Variants in SLC6A19 observed in about 807,000 individuals in gnomAD.
SLC6A19 encodes the protein solute carrier family 6 member 19.
Under a neutral mutation model 68.3 loss-of-function variants are expected in SLC6A19, and 67 were observed. The observed-to-expected ratio is 0.98, with a 90% CI of 0.81 to 1.20. SLC6A19 has a LOEUF of 1.20. Among genes scored for constraint, SLC6A19 ranks in the 50% most tolerant of loss-of-function variants. The pLI, the probability that SLC6A19 is intolerant of heterozygous loss-of-function variation, is 0.00. For synonymous variants in SLC6A19, 392 were observed against 374.9 expected, an observed-to-expected ratio of 1.05 and a Z score of -0.53; for missense variants, 813 against 851.6, an observed-to-expected ratio of 0.95 and a Z score of 0.56.
intron 1 of SLC6A19, among the ~76,000 whole-genome samples, chr5:1,207,472 T>G (rs1350171493): frequency 6.6e-6 from 1 of 152,256 alleles, no homozygotes; most frequent in African/African-American, 2.4e-5. Context: ...AGCTGACCTA[T>G]GCTTTTCAGC....
chr5:1,212,340 C>A lies in SLC6A19; in HGVS notation c.519C>A (p.Asp173Glu). ...AGTGCGCCAGGAGCTCCCCTGTGGA[C>A]TACTTCTGGTACCGAGAGACGCTCA... ...VDECARSSPVDYFWYRETLNI... is the reference protein window; with the variant it reads ...VDECARSSPVEYFWYRETLNI... Residue 173 changes from aspartate (D) to glutamate (E), a missense_variant, in exon 4 of 12, where the codon GAC becomes GAA. Asp to Glu is a conservative substitution (Grantham distance 45). Transcript: ENST00000304460. The surrounding 1 kb of genome is among the most constrained non-coding windows in gnomAD (Gnocchi z 5.1). The A allele has an allele frequency of 6.2e-7, 1 of 1,613,706 alleles. No individual in the cohort carries two copies. The highest frequency in any genetic ancestry group is 8.5e-7 in the Non-Finnish European group (1 of 1,179,954).
intron 2 of SLC6A19, 100 bp downstream of exon 2, chr5:1,208,986 C>T (rs967742224): frequency 2.8e-6 from 4 of 1,429,940 alleles, no homozygotes; most frequent in Non-Finnish European, 3.7e-6. Context: ...CTCGGTGCCC[C>T]TGCTCTGCCT....
chr5:1,206,746 G>T lies in SLC6A19; in HGVS notation c.203-2000G>T, dbSNP rs533385906. ...AGGCCCCAGGGACACGCAGCGTGAG[G>T]AGGGGCTGTCGCTGGGACCCCAGTG... On this transcript the variant is annotated intron_variant, in intron 1 of 11. Coordinates refer to ENST00000304460, the MANE Select transcript of SLC6A19 (RefSeq NM_001003841.3). Among the ~76,000 whole-genome samples the T allele has an allele frequency of 1.3e-4, 20 of 152,240 alleles. No individual in the cohort carries two copies. In the East Asian group the frequency reaches 3.7e-3, roughly 28 times the overall value.
chr5:1,216,630 G>A lies in SLC6A19; in HGVS notation c.960G>A (p.Val320=), dbSNP rs374549763. The change falls in exon 7 of 12, where the codon GTG becomes GTA. Residue 320 remains valine (V), a synonymous_variant. Transcript: ENST00000304460. ...TCACATCGGTGTATGTGGCCATCGT[G>A]GTCTACTCCGTCATTGGGTTCCGCG... ...NGFTSVYVAI[V]VYSVIGFRAT... The A allele has an allele frequency of 6.2e-6, 10 of 1,613,944 alleles. No homozygotes were observed. The highest frequency in any genetic ancestry group is 8.5e-6 in the Non-Finnish European group (10 of 1,180,048).
chr5:1,201,744 C>T lies in SLC6A19; in HGVS notation c.94C>T (p.Arg32Trp), dbSNP rs762242971. Residue 32 changes from arginine to tryptophan, a missense_variant, in exon 1 of 12, where the codon CGG (arginine) becomes TGG (tryptophan). By Grantham distance (101) the Arg-to-Trp change is moderately radical (BLOSUM62 -3). Transcript: ENST00000304460. ...ETIEQEEASS[R>W]PKWDNKAQYM... is the part of the protein sequence containing the mutation. ...CATCGAGCAGGAGGAGGCCAGCTCC[C>T]GGCCGAAGTGGGACAACAAGGCGCA... The T allele has an allele frequency of 3.8e-5, 61 of 1,612,594 alleles. No homozygotes were observed. The highest frequency in any genetic ancestry group is 1.8e-4 in the East Asian group (8 of 44,884).
At chr5:1,205,221 G>A (rs928533919) in intron 1 of SLC6A19, among the ~76,000 whole-genome samples, 1 of 152,228 alleles carries the variant, frequency 6.6e-6, no homozygotes, top group South Asian at 2.1e-4. Flanking sequence ...GGCGCTGGCC[G>A]CCCCTTTCCT....
In SLC6A19 at chr5:1,218,269, T is replaced by C. The variant is rs577986902; in HGVS notation, c.1174-634T>C. On this transcript the variant is annotated intron_variant, in intron 8 of 11. Coordinates refer to ENST00000304460, the MANE Select transcript of SLC6A19 (RefSeq NM_001003841.3). ...GGTCCTTGAGTCCTGCCATATCCAA[T>C]CCCTGAGCCAGTTCCCTGCAGGGAG... Among the ~76,000 whole-genome samples the C allele has an allele frequency of 9.9e-5, 15 of 152,282 alleles. No homozygotes were observed. In the East Asian group the frequency reaches 2.5e-3, roughly 25 times the overall value.
chr5:1,217,431 C>T lies in SLC6A19; in HGVS notation c.1173+486C>T, dbSNP rs568379625. ...TTTTGAATACTATTTCCACAGTTAA[C>T]GAAGTTTAGATGCTGTTACAATTAA... On this transcript the variant is annotated intron_variant, in intron 8 of 11. Transcript: ENST00000304460. Among the ~76,000 whole-genome samples, 10 of 152,340 alleles carry T rather than the reference C, an allele frequency of 6.6e-5. No individual in the cohort carries two copies. The South Asian group carries it at 8.3e-4, about 13-fold the overall frequency.
rs550353419 is a variant in SLC6A19 at position 1,219,198 on chromosome 5, G to A, written c.1378+91G>A. 80 of 1,265,156 alleles carry A rather than the reference G, an allele frequency of 6.3e-5. 7 individuals are homozygous for A. Among genetic ancestry groups the A allele is most frequent in the South Asian group, 3.7e-4 (29 of 77,442 alleles). The allele number at this position is 1,265,156 out of a possible 1,614,324, so 78.4% of individuals were successfully genotyped here. On this transcript the variant is annotated intron_variant, in intron 9 of 11. Coordinates refer to ENST00000304460, the MANE Select transcript of SLC6A19 (RefSeq NM_001003841.3). ...TGTGTGAACAGCTCTGTCCCCGGCC[G>A]TGCGTGCAGCCCCCGGGCGTGTGAA...
At chr5:1,202,333 T>C (rs1473305382) in intron 1 of SLC6A19, among the ~76,000 whole-genome samples, 1 of 152,142 alleles carries the variant, frequency 6.6e-6, no homozygotes, top group Non-Finnish European at 1.5e-5. Context: ...GCCTGTGGAC[T>C]CGGGCCTGGC....
Position 1,224,540 on chromosome 5 carries a change from C to T in SLC6A19, c.*2636C>T, listed in dbSNP as rs1746491088. 6.6e-6 allele frequency: 1 copy of T among 152,382 alleles called. No individual in the cohort carries two copies. The highest frequency in any genetic ancestry group is 1.5e-5 in the Non-Finnish European group (1 of 68,138). 9.4% of individuals were successfully genotyped at this position (152,382 alleles called of 1,614,324 possible). A position where few individuals can be genotyped will look rare whatever the true frequency, so the allele number is the denominator to read the frequency against. The stretch of plus-strand genomic sequence containing the variant: ...AGGCCATGGCCCAGGCCTGTGGCCT[C>T]ACAATGGGGACCAACCAGCTCTTCT... On this transcript the variant is annotated 3_prime_UTR_variant, in exon 12 of 12. Coordinates refer to ENST00000304460, the MANE Select transcript of SLC6A19 (RefSeq NM_001003841.3).
chr5:1,222,270 G>A lies in SLC6A19; in HGVS notation c.*366G>A, dbSNP rs188490782. ...TACATGTGTGCGATATTTGCTGCCC[G>A]TGTGTGTGCATGTATATATAGACAT... is the stretch of plus-strand genomic sequence containing the variant. On this transcript the variant is annotated 3_prime_UTR_variant, in exon 12 of 12. Coordinates refer to ENST00000304460, the MANE Select transcript of SLC6A19 (RefSeq NM_001003841.3). 51 of 564,246 alleles carry A rather than the reference G, an allele frequency of 9.0e-5. No homozygotes were observed. Among genetic ancestry groups the A allele is most frequent in the South Asian group, 3.3e-4 (13 of 39,422 alleles). 35.0% of individuals were successfully genotyped at this position (564,246 alleles called of 1,614,324 possible).
At chr5:1,219,450 C>G (rs1746303166) in intron 9 of SLC6A19, 55 bp from the exon 10 acceptor site, 1 of 1,601,778 alleles carries the variant, frequency 6.2e-7, no homozygotes, top group East Asian at 2.2e-5. Flanking sequence ...AGCTCTGTCC[C>G]TGGCCGTGCG....
chr5:1,216,792 C>T lies in SLC6A19; in HGVS notation c.1020C>T (p.Asn340=). ...TCAGCCTCAATCTGACCCGCAGGAA[C>T]ATCCTGACCCTCATCAACGGGTTCG... ...TQRYDDCFST[N]ILTLINGFDL... is the part of the protein sequence containing the mutation. Residue 340 remains asparagine, a synonymous_variant, in exon 8 of 12, where the codon AAC becomes AAT. Transcript: ENST00000304460. The T allele has an allele frequency of 6.2e-7, 1 of 1,613,790 alleles. No individual in the cohort carries two copies. Among genetic ancestry groups the T allele is most frequent in the African/African-American group, 1.3e-5 (1 of 75,078 alleles).
At chr5:1,210,645 C>T in intron 3 of SLC6A19, 64 bp downstream of exon 3, 1 of 1,601,994 alleles carries the variant, frequency 6.2e-7, no homozygotes, top group Non-Finnish European at 8.5e-7. Flanking sequence ...TCATAGCAGG[C>T]ACATGGCCTC....
Position 1,210,531 on chromosome 5 carries a change from T to C in SLC6A19, c.431T>C (p.Phe144Ser). The C allele has an allele frequency of 6.2e-7, 1 of 1,613,324 alleles. No homozygotes were observed. ...SWIMWYLFNSFQEPLPWSDCP... is the reference protein window; with the variant it reads ...SWIMWYLFNSSQEPLPWSDCP... ...ATCATGTGGTACTTATTCAACTCCT[T>C]CCAGGAGCCTCTGCCCTGGAGCGAC... The change falls in exon 3 of 12, where the codon TTC (phenylalanine) becomes TCC (serine). Residue 144 changes from phenylalanine (F) to serine (S), a missense_variant. Phe to Ser is a radical substitution (Grantham distance 155, BLOSUM62 -2). Coordinates refer to ENST00000304460, the MANE Select transcript of SLC6A19 (RefSeq NM_001003841.3).
Position 1,222,340 on chromosome 5 carries a change from G to A in SLC6A19, c.*436G>A, listed in dbSNP as rs551055715. The A allele has an allele frequency of 6.6e-5, 33 of 498,006 alleles. No homozygotes were observed. The highest frequency in any genetic ancestry group is 5.0e-4 in the Middle Eastern group (1 of 1,996). 30.8% of individuals were successfully genotyped at this position (498,006 alleles called of 1,614,324 possible). On this transcript the variant is annotated 3_prime_UTR_variant, in exon 12 of 12. Transcript: ENST00000304460. Reference sequence around the variant, plus strand: ...GGTGTGCATATGTGTGAACACACACGTGTATACATGCATGCACATGTGCTC... The same window carrying A: ...GGTGTGCATATGTGTGAACACACACATGTATACATGCATGCACATGTGCTC...
rs552368508 is a variant in SLC6A19, at chr5:1,221,201, G to A, written c.1589G>A (p.Trp530Ter). ...FMIGHKPNIF[W>*]QVTWRVVSPL... Reference sequence around the variant, plus strand: ...ATCGGCCACAAGCCCAACATCTTCTGGCAAGTCACGTGGCGCGTGGTCAGC... The same window carrying A: ...ATCGGCCACAAGCCCAACATCTTCTAGCAAGTCACGTGGCGCGTGGTCAGC... The change falls in exon 11 of 12, where the codon TGG (tryptophan) becomes TAG (stop). Residue 530 changes from tryptophan to a stop codon, truncating the protein, a stop_gained. Transcript: ENST00000304460. LOFTEE classifies it high-confidence loss of function. 6.2e-6 allele frequency: 10 copies of A among 1,614,118 alleles called. No homozygotes were observed. The South Asian group carries it at 1.1e-4, about 18-fold the overall frequency.
intron 3 of SLC6A19, 63 bp downstream of exon 3, chr5:1,210,644 G>T (rs929346360): frequency 4.4e-6 from 7 of 1,602,698 alleles, no homozygotes; most frequent in Non-Finnish European, 5.9e-6. Context: ...CTCATAGCAG[G>T]CACATGGCCT....
Sources: gnomAD v4.1 joint callset for allele counts (sites outside exome capture counted in the v4.1 genomes callset) on GRCh38, gnomAD v4.1.1 for gene constraint, Gnocchi (gnomAD v3.1) non-coding constraint, MANE v1.5 for transcripts, NCBI Gene and HGNC (gene_info 2026-07-23, HGNC 2026-07-21) for gene names.